The following TASP1 variants were observed in gnomAD, a reference collection of about 807,000 sequenced individuals.
TASP1 encodes taspase 1, also known as threonine aspartase 1.
In TASP1, 16 loss-of-function variants were observed where a neutral mutation model predicts 56.6. The ratio of observed to expected loss-of-function variants is 0.28; its 90% CI spans 0.19 to 0.43. The LOEUF (loss-of-function observed/expected upper bound fraction) is 0.43, where lower values mean the gene tolerates loss of function less well. Among genes scored for constraint, TASP1 ranks in the 20% least tolerant of loss-of-function variants. The pLI, the probability that TASP1 is intolerant of heterozygous loss-of-function variation, is 1.00. For missense variants in TASP1, 393 were observed against 511.6 expected, an observed-to-expected ratio of 0.77 and a Z score of 2.24; for synonymous variants, 179 against 184.2, an observed-to-expected ratio of 0.97 and a Z score of 0.23.
At chr20:13,332,337 CCA>C in the TASP1 span, among the ~76,000 whole-genome samples, 15,199 of 152,138 alleles carry the variant, frequency 0.1, 895 homozygotes, top group Admixed American at 0.17. Context: ...TTTCTCTCTT[CCA>C]CAGTCTCCCT....
intron 10 of TASP1, among the ~76,000 whole-genome samples, chr20:13,496,241 G>C (rs928235679): frequency 3.3e-5 from 5 of 152,066 alleles, no homozygotes; most frequent in Non-Finnish European, 5.9e-5. Context: ...TTTTAGTAGA[G>C]ACAGGGTTTT....
At chr20:13,484,748 AAAAG>A (rs1259855569) in intron 10 of TASP1, among the ~76,000 whole-genome samples, 5 of 151,730 alleles carry the variant, frequency 3.3e-5, no homozygotes, top group Admixed American at 6.6e-5. Context: ...AAAAAAAAAA[AAAAG>A]AAAGAAAGAA....
chr20:13,523,639 A>AT (rs146665898), intron 10 of TASP1, among the ~76,000 whole-genome samples: 2,567 of 152,144 alleles, frequency 0.017, 72 homozygotes, highest in African/African-American at 0.056. Flanking sequence ...CAATTTTGGT[A>AT]TTTTTTTAAT....
chr20:13,377,810 A>G, the TASP1 span, among the ~76,000 whole-genome samples: 2 of 152,032 alleles, frequency 1.3e-5, no homozygotes, highest in South Asian at 4.2e-4. Flanking sequence ...GGGAGGGTGT[A>G]TATGTCCAGG....
chr20:13,632,334 C>T (rs1798204154), intron 1 of TASP1, among the ~76,000 whole-genome samples: 1 of 144,672 alleles, frequency 6.9e-6, no homozygotes, highest in Admixed American at 7.1e-5. Flanking sequence ...CACTGCACTC[C>T]GGCCTGGGCT....
chr20:13,239,274 CTCTG>C, the TASP1 span, among the ~76,000 whole-genome samples: 1 of 152,218 alleles, frequency 6.6e-6, no homozygotes, highest in African/African-American at 2.4e-5. Flanking sequence ...TGCCCTGAAA[CTCTG>C]TCTGGTGTGG....
At chr20:13,124,557 TAGA>T in the TASP1 span, among the ~76,000 whole-genome samples, 1 of 151,644 alleles carries the variant, frequency 6.6e-6, no homozygotes, top group Non-Finnish European at 1.5e-5. Flanking sequence ...AAGGAAGTCA[TAGA>T]AGAAGGACGG....
At chr20:13,345,703 G>T in the TASP1 span, among the ~76,000 whole-genome samples, 2 of 147,014 alleles carry the variant, frequency 1.4e-5, no homozygotes, top group Non-Finnish European at 2.9e-5. Context: ...TGGAATCAGA[G>T]TGAGTGGAAC....
the TASP1 span, among the ~76,000 whole-genome samples, chr20:13,213,722 T>G: frequency 6.6e-6 from 1 of 152,148 alleles, no homozygotes; most frequent in Non-Finnish European, 1.5e-5. Context: ...TGACTTAGCA[T>G]CTCCGTATCT....
chr20:13,572,297 G>A (rs921529300), intron 6 of TASP1, among the ~76,000 whole-genome samples: 3 of 152,178 alleles, frequency 2.0e-5, no homozygotes, highest in African/African-American at 7.2e-5. Flanking sequence ...CATTTTCCTT[G>A]TGTTATACCC....
the TASP1 span, among the ~76,000 whole-genome samples, chr20:13,179,927 C>T: frequency 6.6e-6 from 1 of 152,272 alleles, no homozygotes; most frequent in African/African-American, 2.4e-5. Flanking sequence ...ACCACCCACT[C>T]ACCAAGCCCC....
chr20:13,437,545 A>T (rs918733217), intron 11 of TASP1, among the ~76,000 whole-genome samples: 11 of 152,312 alleles, frequency 7.2e-5, no homozygotes, highest in African/African-American at 2.2e-4. Flanking sequence ...AGGGTATTCA[A>T]TTACGAAAAG....
At chr20:13,295,846 T>A in the TASP1 span, among the ~76,000 whole-genome samples, 1 of 152,118 alleles carries the variant, frequency 6.6e-6, no homozygotes, top group African/African-American at 2.4e-5. Context: ...GATGTTAAAA[T>A]CACGATAGAT....
At chr20:13,361,305 A>G in the TASP1 span, among the ~76,000 whole-genome samples, 69 of 152,318 alleles carry the variant, frequency 4.5e-4, no homozygotes, top group Non-Finnish European at 9.0e-4. Context: ...CCGTTCTGTT[A>G]GACATAATTC....
intron 8 of TASP1, among the ~76,000 whole-genome samples, chr20:13,557,036 T>C (rs909244312): frequency 2.6e-5 from 4 of 152,300 alleles, no homozygotes; most frequent in East Asian, 1.9e-4. Flanking sequence ...TCAGTCCCAT[T>C]TCCTGAATGG....
the TASP1 span, among the ~76,000 whole-genome samples, chr20:13,359,937 CA>C: frequency 2.9e-3 from 443 of 152,182 alleles, 1 homozygote; most frequent in Admixed American, 7.1e-3. Context: ...ACCCTTACCC[CA>C]CTCAATGCCA....
the TASP1 span, among the ~76,000 whole-genome samples, chr20:13,308,411 G>A: frequency 3.2e-4 from 49 of 152,132 alleles, 1 homozygote; most frequent in Middle Eastern, 6.8e-3. Flanking sequence ...TTGGCAAGGC[G>A]ATGAGGAAAC....
chr20:13,263,580 G>A, the TASP1 span, among the ~76,000 whole-genome samples: 1 of 152,110 alleles, frequency 6.6e-6, no homozygotes, highest in Non-Finnish European at 1.5e-5. Flanking sequence ...AATACCACTA[G>A]TGGCATTCTT....
chr20:13,371,601 C>T, the TASP1 span, among the ~76,000 whole-genome samples: 2 of 152,100 alleles, frequency 1.3e-5, no homozygotes, highest in East Asian at 3.8e-4. Context: ...GTTCCTTGTG[C>T]ACTTGAGAAG....
Sources: gnomAD v4.1 joint callset for allele counts (sites outside exome capture counted in the v4.1 genomes callset) on GRCh38, gnomAD v4.1.1 for gene constraint, MANE v1.5 for transcripts, NCBI Gene and HGNC (gene_info 2026-07-23, HGNC 2026-07-21) for gene names.